LRP1B: variants seen among roughly 807,000 people sequenced by gnomAD.
The protein encoded by LRP1B is LDL receptor related protein 1B.
In LRP1B, 217 loss-of-function variants were observed where a neutral mutation model predicts 556.6. That is an observed-to-expected ratio of 0.39 (90% CI 0.35 to 0.44). LRP1B has a LOEUF of 0.44. Among genes scored for constraint, LRP1B ranks in the 20% least tolerant of loss-of-function variants. The pLI is 1.00. For synonymous variants in LRP1B, 2,047 were observed against 1,865.8 expected, an observed-to-expected ratio of 1.10 and a Z score of -2.50; for missense variants, 5,053 against 5,620.8, an observed-to-expected ratio of 0.90 and a Z score of 3.23.
intron 41 of LRP1B, among the ~76,000 whole-genome samples, chr2:140,686,122 G>C (rs1686042778): frequency 6.6e-6 from 1 of 152,096 alleles, no homozygotes; most frequent in Non-Finnish European, 1.5e-5. Flanking sequence ...GGTTAAGAAA[G>C]AACATGTTTT....
intron 6 of LRP1B, among the ~76,000 whole-genome samples, chr2:141,191,760 T>C (rs113195362): frequency 0.025 from 3,865 of 151,748 alleles, 74 homozygotes; most frequent in Middle Eastern, 0.051. Context: ...CTGGAATGTA[T>C]GGTTTGCTTT....
intron 49 of LRP1B, among the ~76,000 whole-genome samples, chr2:140,524,457 T>C (rs1004337141): frequency 9.9e-5 from 15 of 151,866 alleles, no homozygotes; most frequent in African/African-American, 3.6e-4. Context: ...TAAGCCAATC[T>C]CATCACATAC....
intron 3 of LRP1B, among the ~76,000 whole-genome samples, chr2:141,292,092 C>T (rs925195409): frequency 2.6e-5 from 4 of 152,166 alleles, no homozygotes; most frequent in African/African-American, 4.8e-5. Context: ...CACCTCCTGT[C>T]AGATCAGAGG....
intron 2 of LRP1B, among the ~76,000 whole-genome samples, chr2:141,531,194 G>A (rs144661722): frequency 1.1e-3 from 164 of 152,114 alleles, no homozygotes; most frequent in African/African-American, 3.8e-3. Context: ...TAATTAACAC[G>A]TTAGGCAGAT....
intron 25 of LRP1B, among the ~76,000 whole-genome samples, chr2:140,876,782 A>C (rs556862241): frequency 6.6e-6 from 1 of 152,276 alleles, no homozygotes; most frequent in African/African-American, 2.4e-5. Context: ...CATCAAAGCC[A>C]ATTTAAAAGC....
At chr2:141,960,114 A>G (rs1366590553) in intron 1 of LRP1B, among the ~76,000 whole-genome samples, 2 of 151,946 alleles carry the variant, frequency 1.3e-5, no homozygotes, top group African/African-American at 4.8e-5. Context: ...TTCATAAGAG[A>G]GAGAAAGTTT....
At chr2:141,886,218 T>C (rs1699104983) in intron 1 of LRP1B, among the ~76,000 whole-genome samples, 1 of 152,178 alleles carries the variant, frequency 6.6e-6, no homozygotes, top group Non-Finnish European at 1.5e-5. Context: ...ATGTAAAGGT[T>C]AAGTGGGTAG....
rs564958378 is a variant in LRP1B at position 141,125,713 on chromosome 2, T to C, written c.1013+62708A>G. Among the ~76,000 whole-genome samples the C allele has an allele frequency of 2.3e-4, 35 of 152,102 alleles. 1 individual carries two copies. Among genetic ancestry groups the C allele is most frequent in the African/African-American group, 8.2e-4 (34 of 41,506 alleles). ...AACGGCTCCCAGCACATAAATATCT[T>C]CTCTCTGTGTACTTTATCCTTATTT... is the stretch of plus-strand genomic sequence containing the variant. On this transcript the variant is annotated intron_variant, in intron 7 of 90. Transcript: ENST00000389484.
intron 35 of LRP1B, among the ~76,000 whole-genome samples, chr2:140,733,310 T>C (rs566050850): frequency 8.5e-5 from 13 of 152,286 alleles, no homozygotes; most frequent in African/African-American, 3.1e-4. Flanking sequence ...CTATTCCCAT[T>C]GCTTGTTGCT....
chr2:140,932,672 A>T (rs1573894184), intron 20 of LRP1B, among the ~76,000 whole-genome samples: 1 of 151,890 alleles, frequency 6.6e-6, no homozygotes, highest in Non-Finnish European at 1.5e-5. Flanking sequence ...CAGGAGTTTG[A>T]GACCAGCCTA....
chr2:140,375,177 G>A (rs1683171636), intron 68 of LRP1B, among the ~76,000 whole-genome samples: 1 of 94,660 alleles, frequency 1.1e-5, no homozygotes, highest in Non-Finnish European at 2.2e-5. Flanking sequence ...GTGTGTATGT[G>A]TGTGTGTGTG....
rs76368907 is a variant in LRP1B, at chr2:141,680,092, G to A, written c.205+130187C>T. ...AAATATCAACATTAGTTAAACCTGG[G>A]GAGGGTGGGCATATAGCTATGTGTT... On this transcript the variant is annotated intron_variant, in intron 2 of 90. Coordinates refer to ENST00000389484, the MANE Select transcript of LRP1B (RefSeq NM_018557.3). Among the ~76,000 whole-genome samples the A allele has an allele frequency of 5.4e-3, 825 of 151,990 alleles. 3 individuals carry two copies. Among genetic ancestry groups the A allele is most frequent in the Non-Finnish European group, 9.0e-3 (609 of 67,914 alleles).
Position 141,157,344 on chromosome 2 carries a change from A to G in LRP1B, c.1013+31077T>C, listed in dbSNP as rs539029526. ...TATATAAAATATACGTATTTTCCAAATTGTGATATTTACATAGTATATATA... is the reference window on the plus strand; with the variant it reads ...TATATAAAATATACGTATTTTCCAAGTTGTGATATTTACATAGTATATATA... On this transcript the variant is annotated intron_variant, in intron 7 of 90. Transcript: ENST00000389484. Among the ~76,000 whole-genome samples the G allele has an allele frequency of 9.9e-5, 15 of 152,200 alleles. No individual in the cohort carries two copies. In the East Asian group the frequency reaches 2.3e-3, roughly 24 times the overall value.
chr2:140,368,695 T>G (rs1682866235), intron 71 of LRP1B, among the ~76,000 whole-genome samples: 1 of 151,838 alleles, frequency 6.6e-6, no homozygotes, highest in Non-Finnish European at 1.5e-5. Context: ...TTCCCAACAC[T>G]CAGCTCCTAT....
intron 3 of LRP1B, among the ~76,000 whole-genome samples, chr2:141,420,985 C>T (rs532403824): frequency 2.6e-5 from 4 of 152,102 alleles, no homozygotes; most frequent in Admixed American, 6.5e-5. Context: ...AAGGAAGGGC[C>T]AACATGGGTA....
At chr2:140,968,190 T>A (rs1244461407) in intron 18 of LRP1B, among the ~76,000 whole-genome samples, 1 of 151,924 alleles carries the variant, frequency 6.6e-6, no homozygotes, top group Non-Finnish European at 1.5e-5. Flanking sequence ...AACTATTAAT[T>A]ATTGCCTCAA....
intron 3 of LRP1B, among the ~76,000 whole-genome samples, chr2:141,363,059 T>C (rs1456592193): frequency 6.6e-6 from 1 of 152,186 alleles, no homozygotes; most frequent in Non-Finnish European, 1.5e-5. Context: ...GTAGAGTGAA[T>C]GTAGGTCCCT....
At chr2:141,011,301 G>T (rs1697742355) in intron 14 of LRP1B, among the ~76,000 whole-genome samples, 1 of 151,216 alleles carries the variant, frequency 6.6e-6, no homozygotes, top group South Asian at 2.1e-4. Flanking sequence ...TTCAAAAGAT[G>T]CAAAGAGTAA....
Position 141,254,555 on chromosome 2 carries a change from A to T in LRP1B, c.430T>A (p.Phe144Ile), listed in dbSNP as rs1246057935. 1 of 1,612,120 alleles carries T rather than the reference A, an allele frequency of 6.2e-7. No individual in the cohort carries two copies. Among genetic ancestry groups the T allele is most frequent in the Non-Finnish European group, 8.5e-7 (1 of 1,178,714 alleles). Residue 144 changes from phenylalanine to isoleucine, a missense_variant, in exon 4 of 91, where the codon TTC becomes ATC. Physicochemically the swap from Phe to Ile is conservative, Grantham distance 21. Coordinates refer to ENST00000389484, the MANE Select transcript of LRP1B (RefSeq NM_018557.3). ...NSTRCYCEDG[F>I]EITEDGRSCK... ...CTTCTCCCATCTTCTGTTATTTCGA[A>T]TCCATCCTCACAGTAACATCTTGTA...
Sources: gnomAD v4.1 joint callset for allele counts (sites outside exome capture counted in the v4.1 genomes callset) on GRCh38, gnomAD v4.1.1 for gene constraint, MANE v1.5 for transcripts, NCBI Gene and HGNC (gene_info 2026-07-23, HGNC 2026-07-21) for gene names.